AKAP1: variants seen among roughly 807,000 people sequenced by gnomAD.
AKAP1 encodes the protein A-kinase anchoring protein 1.
AKAP1 carries 32 observed loss-of-function variants against 79.8 expected under a neutral mutation model. That is an observed-to-expected ratio of 0.40 (90% confidence interval 0.30 to 0.54). The LOEUF (loss-of-function observed/expected upper bound fraction) is 0.54, where lower values mean the gene tolerates loss of function less well. Among genes scored for constraint, AKAP1 ranks in the 20% least tolerant of loss-of-function variants. The pLI is 0.47. For missense variants in AKAP1, 961 were observed against 1,138.9 expected (o/e 0.84, Z 2.25); for synonymous variants, 416 against 466.7 (o/e 0.89, Z 1.40).
At chr17:57,092,071 G>A (rs1327289691) in intron 1 of AKAP1, 2 of 152,184 alleles carry the variant, frequency 1.3e-5, no homozygotes, top group East Asian at 3.8e-4. Context: ...CTCTAATAGT[G>A]TGGATTGGTG....
chr17:57,120,539 G>A lies in AKAP1; in HGVS notation c.*215G>A. On this transcript the variant is annotated 3_prime_UTR_variant, in exon 11 of 11. Transcript: ENST00000337714. ...AAAGCCAAAGGATAGTGTTTAACAA[G>A]CCAGCTGGCTTATGCTGGTTCTCAG... 2.6e-6 allele frequency: 1 copy of A among 389,022 alleles called. No homozygotes were observed. Among genetic ancestry groups the A allele is most frequent in the Non-Finnish European group, 4.5e-6 (1 of 219,810 alleles). 24.1% of individuals were successfully genotyped at this position (389,022 alleles called of 1,614,324 possible).
Position 57,106,033 on chromosome 17 carries a change from G to T in AKAP1, c.569G>T (p.Arg190Leu), listed in dbSNP as rs561980084. Residue 190 changes from arginine (R) to leucine (L), a missense_variant, in exon 2 of 11, where the codon CGT (arginine) becomes CTT (leucine). Physicochemically the swap from Arg to Leu is moderately radical, Grantham distance 102. Coordinates refer to ENST00000337714, the MANE Select transcript of AKAP1 (RefSeq NM_003488.4). Reference protein sequence around the residue: ...PGYPVVPAEKRSSGERARETG... With the variant: ...PGYPVVPAEKLSSGERARETG... ...TACCCCGTAGTCCCCGCAGAGAAGC[G>T]TAGCTCTGGGGAGAGGGCAAGAGAG... The T allele has an allele frequency of 1.2e-6, 2 of 1,613,176 alleles. No individual in the cohort carries two copies. The highest frequency in any genetic ancestry group is 1.1e-5 in the South Asian group (1 of 91,028).
chr17:57,111,763 T>G (rs764231341), intron 3 of AKAP1, 35 bp from the exon 4 acceptor site: 3 of 1,612,494 alleles, frequency 1.9e-6, no homozygotes, highest in East Asian at 4.5e-5. Context: ...TTGGTTTCCC[T>G]TTAACCCTCT....
intron 7 of AKAP1, among the ~76,000 whole-genome samples, chr17:57,116,573 G>A (rs113515480): frequency 6.1e-4 from 93 of 152,098 alleles, no homozygotes; most frequent in Non-Finnish European, 1.1e-3. Context: ...AGACCAGACC[G>A]GGCAGTATAG....
Position 57,089,390 on chromosome 17 carries a change from G to C in AKAP1, c.-25+3992G>C, listed in dbSNP as rs537771989. ...GCTTTATTTGCCTAAATTTGTCCTG[G>C]GTGTGGGGAGTTTAGAGCTGCCTTG... On this transcript the variant is annotated intron_variant, in intron 1 of 10. Coordinates refer to ENST00000337714, the MANE Select transcript of AKAP1 (RefSeq NM_003488.4). Among the ~76,000 whole-genome samples the C allele has an allele frequency of 1.9e-4, 29 of 152,226 alleles. No individual in the cohort carries two copies. In the South Asian group the frequency reaches 5.8e-3, roughly 31 times the overall value.
intron 5 of AKAP1, among the ~76,000 whole-genome samples, chr17:57,113,958 AGGCTCCTG>A (rs1915417471): frequency 6.6e-6 from 1 of 152,064 alleles, no homozygotes; most frequent in African/African-American, 2.4e-5. Flanking sequence ...GTCAGACCAT[AGGCTCCTG>A]GGGTTGTCTG....
chr17:57,095,413 C>T (rs960373877), intron 1 of AKAP1: 8 of 151,574 alleles, frequency 5.3e-5, no homozygotes, highest in African/African-American at 1.9e-4. Flanking sequence ...AAGCAATCCT[C>T]CCGAAGTGTT....
intron 1 of AKAP1, among the ~76,000 whole-genome samples, chr17:57,102,708 G>A (rs1054404368): frequency 2.0e-5 from 3 of 151,706 alleles, no homozygotes; most frequent in African/African-American, 7.3e-5. Flanking sequence ...TCCTGACCTC[G>A]TGATCCACCC....
intron 6 of AKAP1, among the ~76,000 whole-genome samples, chr17:57,115,018 A>T (rs1915492904): frequency 6.6e-6 from 1 of 152,118 alleles, no homozygotes; most frequent in Non-Finnish European, 1.5e-5. Context: ...TGTATTACAT[A>T]TAAAGCACTT....
chr17:57,107,259 T>G, intron 2 of AKAP1, 81 bp downstream of exon 2: 1 of 1,516,120 alleles, frequency 6.6e-7, no homozygotes, highest in Non-Finnish European at 8.9e-7. Flanking sequence ...GCCTCTCCCT[T>G]CTGCTACTTG....
At chr17:57,091,470 T>C (rs1047128605) in intron 1 of AKAP1, among the ~76,000 whole-genome samples, 15 of 151,550 alleles carry the variant, frequency 9.9e-5, no homozygotes, top group Admixed American at 9.8e-4. Context: ...AGGGGGTGGC[T>C]GCTTAAGAGG....
chr17:57,085,775 A>C (rs533192031), intron 1 of AKAP1: 1 of 152,278 alleles, frequency 6.6e-6, no homozygotes, highest in South Asian at 2.1e-4. Flanking sequence ...CTGCACCTCA[A>C]CTTAACCGGA....
intron 1 of AKAP1, among the ~76,000 whole-genome samples, chr17:57,089,038 C>T (rs1913625004): frequency 6.6e-6 from 1 of 152,210 alleles, no homozygotes; most frequent in Admixed American, 6.5e-5. Flanking sequence ...GCTTAGCTGA[C>T]AAGAGCCTGG....
chr17:57,116,314 G>A (rs759832624), intron 7 of AKAP1, 53 bp downstream of exon 7: 2 of 1,607,448 alleles, frequency 1.2e-6, no homozygotes, highest in Non-Finnish European at 1.7e-6. Context: ...TGGGATGCGT[G>A]ATCTCTGCGT....
At chr17:57,115,191 T>C (rs373514387) in intron 6 of AKAP1, among the ~76,000 whole-genome samples, 1 of 152,314 alleles carries the variant, frequency 6.6e-6, no homozygotes, top group Admixed American at 6.5e-5. Flanking sequence ...TTATCTTTGT[T>C]GTCCTTATCA....
intron 1 of AKAP1, among the ~76,000 whole-genome samples, chr17:57,100,596 C>T (rs191493345): frequency 1.6e-4 from 25 of 152,198 alleles, no homozygotes; most frequent in African/African-American, 5.3e-4. Context: ...CCAGCTTGGG[C>T]GACAGAGCAA....
intron 7 of AKAP1, 134 bp downstream of exon 7, chr17:57,116,395 A>G (rs1915587885): frequency 8.6e-7 from 1 of 1,164,138 alleles, no homozygotes; most frequent in South Asian, 1.5e-5. Context: ...GTGTTTTAGC[A>G]GAGTCTGATA....
rs61751973 is a variant in AKAP1, at chr17:57,112,625, G to C, written c.2103+7G>C. The stretch of plus-strand genomic sequence containing the variant: ...TCTGCCGATGACATCCTGGGTGAGC[G>C]TGCTACTGGGTGATCCGGACTTCTT... On this transcript the variant is annotated splice_region_variant and intron_variant, in intron 5 of 10. Transcript: ENST00000337714. The C allele has an allele frequency of 0.01, 16,576 of 1,599,364 alleles. 143 individuals are homozygous for C. The highest frequency in any genetic ancestry group is 0.028 in the South Asian group (2,441 of 88,482).
chr17:57,092,235 C>G (rs1441543324), intron 1 of AKAP1: 1 of 152,220 alleles, frequency 6.6e-6, no homozygotes, highest in African/African-American at 2.4e-5. Context: ...CCCTAGGCCA[C>G]CCTTTCTTCT....
Sources: gnomAD v4.1 joint callset for allele counts (sites outside exome capture counted in the v4.1 genomes callset) on GRCh38, gnomAD v4.1.1 for gene constraint, MANE v1.5 for transcripts, NCBI Gene and HGNC (gene_info 2026-07-23, HGNC 2026-07-21) for gene names.